TRIM38: variants seen among roughly 807,000 people sequenced by gnomAD.
The protein encoded by TRIM38 is tripartite motif containing 38.
Under a neutral mutation model 35.8 loss-of-function variants are expected in TRIM38, and 35 were observed. That is an observed-to-expected ratio of 0.98 (90% CI 0.75 to 1.30). TRIM38 has a LOEUF of 1.30. Ranked by LOEUF, TRIM38 falls within the 50% of genes most tolerant of loss-of-function variation. The pLI, the probability that TRIM38 is intolerant of heterozygous loss-of-function variation, is 0.00. For missense variants in TRIM38, 545 were observed against 556.9 expected, an observed-to-expected ratio of 0.98 and a Z score of 0.21; for synonymous variants, 198 against 204.7, an observed-to-expected ratio of 0.97 and a Z score of 0.28.
intron 5 of TRIM38, among the ~76,000 whole-genome samples, chr6:25,972,329 GCCTC>G (rs113356618): frequency 2.8e-3 from 432 of 152,268 alleles, no homozygotes; most frequent in African/African-American, 9.8e-3. Flanking sequence ...ACCACTGTTT[GCCTC>G]CTTGGCCCAT....
At chr6:25,975,699 C>T (rs1760371316) in intron 7 of TRIM38, 1 of 978,280 alleles carries the variant, frequency 1.0e-6, no homozygotes, top group Non-Finnish European at 1.2e-6. Context: ...ATATCTTTCC[C>T]TAAGTTTGTA....
intron 2 of TRIM38, among the ~76,000 whole-genome samples, chr6:25,964,781 C>A (rs1434148945): frequency 6.6e-6 from 1 of 151,494 alleles, no homozygotes; most frequent in East Asian, 1.9e-4. Flanking sequence ...AGTGTTACTA[C>A]TAATTACAAA....
At chr6:25,968,364 T>A (rs1403839097) in intron 3 of TRIM38, among the ~76,000 whole-genome samples, 2 of 152,154 alleles carry the variant, frequency 1.3e-5, no homozygotes, top group African/African-American at 4.8e-5. Context: ...ACTTACTAGA[T>A]GGGCAATTTT....
intron 2 of TRIM38, among the ~76,000 whole-genome samples, chr6:25,963,748 G>A (rs1179566053): frequency 2.0e-5 from 3 of 152,080 alleles, no homozygotes; most frequent in African/African-American, 7.2e-5. Flanking sequence ...CGGTTCTTCT[G>A]GTTGTTCTGG....
rs189414244 is a variant in TRIM38, at chr6:25,990,848, C to T, written c.*7161C>T. On this transcript the variant is annotated 3_prime_UTR_variant, in exon 8 of 8. Coordinates refer to ENST00000357085, the MANE Select transcript of TRIM38 (RefSeq NM_006355.5). Reference sequence around the variant, plus strand: ...TTTTATTATTTATTTCACACCAGGCCATCACTGTGATACATTTTTTAAAAC... The same window carrying T: ...TTTTATTATTTATTTCACACCAGGCTATCACTGTGATACATTTTTTAAAAC... The T allele has an allele frequency of 2.6e-4, 40 of 151,868 alleles. No individual in the cohort carries two copies. The highest frequency in any genetic ancestry group is 8.9e-4 in the African/African-American group (37 of 41,430). 9.4% of individuals were successfully genotyped at this position (151,868 alleles called of 1,614,324 possible). A position where few individuals can be genotyped will look rare whatever the true frequency, so the allele number is the denominator to read the frequency against.
intron 7 of TRIM38, among the ~76,000 whole-genome samples, chr6:25,977,310 C>G (rs957571647): frequency 6.6e-6 from 1 of 152,026 alleles, no homozygotes; most frequent in Non-Finnish European, 1.5e-5. Context: ...CCCAGGAGTT[C>G]GAGGCTGCAG....
At chr6:25,980,275 TG>T (rs1760508288) in intron 7 of TRIM38, among the ~76,000 whole-genome samples, 2 of 152,226 alleles carry the variant, frequency 1.3e-5, no homozygotes, top group Admixed American at 1.3e-4. Flanking sequence ...AAACATCCCA[TG>T]ATGATTGTAG....
At chr6:25,967,304 C>A (rs780173938) in intron 3 of TRIM38, among the ~76,000 whole-genome samples, 18 of 152,144 alleles carry the variant, frequency 1.2e-4, no homozygotes, top group Non-Finnish European at 2.4e-4. Flanking sequence ...AAAGACCCAT[C>A]ACCTTTTAGG....
chr6:25,979,549 C>T (rs546062409), intron 7 of TRIM38, among the ~76,000 whole-genome samples: 3 of 151,996 alleles, frequency 2.0e-5, no homozygotes, highest in Non-Finnish European at 4.4e-5. Context: ...TAAAAAGTTT[C>T]TGTATTCATT....
intron 7 of TRIM38, among the ~76,000 whole-genome samples, chr6:25,981,406 T>C (rs1435853580): frequency 1.3e-5 from 2 of 152,252 alleles, no homozygotes; most frequent in African/African-American, 4.8e-5. Context: ...ACAGGAAGTG[T>C]TTCTGAATAC....
At chr6:25,965,157 A>G (rs1182845472) in intron 2 of TRIM38, among the ~76,000 whole-genome samples, 2 of 152,100 alleles carry the variant, frequency 1.3e-5, no homozygotes, top group African/African-American at 4.8e-5. Flanking sequence ...AAAGAGTTTC[A>G]CACTCCCTGA....
intron 2 of TRIM38, among the ~76,000 whole-genome samples, chr6:25,964,876 AT>A (rs1436537378): frequency 2.7e-5 from 4 of 150,900 alleles, no homozygotes; most frequent in African/African-American, 9.8e-5. Flanking sequence ...CAGTGGTGTA[AT>A]CTGGGCTCAC....
rs1760061633 is a variant in TRIM38 at position 25,966,698 on chromosome 6, G to C, written c.176G>C (p.Cys59Ser). Residue 59 changes from cysteine to serine, a missense_variant, in exon 3 of 8, where the codon TGT (cysteine) becomes TCT (serine). Physicochemically the swap from Cys to Ser is moderately radical, Grantham distance 112 (BLOSUM62 -1). Coordinates refer to ENST00000357085, the MANE Select transcript of TRIM38 (RefSeq NM_006355.5). Reference protein sequence around the residue: ...QKQLRQETFCCPQCRAPFHMD... With the variant: ...QKQLRQETFCSPQCRAPFHMD... ...CAACTGAGGCAGGAGACATTCTGCT[G>C]TCCCCAGTGTCGGGCTCCATTTCAT... 6.2e-7 allele frequency: 1 copy of C among 1,614,202 alleles called. No homozygotes were observed. The highest frequency in any genetic ancestry group is 8.5e-7 in the Non-Finnish European group (1 of 1,180,046).
At chr6:25,982,823 C>T (rs559794804) in intron 7 of TRIM38, among the ~76,000 whole-genome samples, 1 of 152,334 alleles carries the variant, frequency 6.6e-6, no homozygotes, top group South Asian at 2.1e-4. Context: ...TGGTGGCTCA[C>T]ACCTGTGTAA....
At chr6:25,977,383 G>C (rs2113608990) in intron 7 of TRIM38, among the ~76,000 whole-genome samples, 1 of 152,198 alleles carries the variant, frequency 6.6e-6, no homozygotes, top group South Asian at 2.1e-4. Flanking sequence ...TCTATTAAAG[G>C]AGGAGGCCGG....
intron 5 of TRIM38, among the ~76,000 whole-genome samples, chr6:25,972,725 G>A (rs894988008): frequency 3.9e-5 from 6 of 152,128 alleles, no homozygotes; most frequent in African/African-American, 1.4e-4. Flanking sequence ...AAGGAAATCC[G>A]ATCACCAAAA....
intron 7 of TRIM38, among the ~76,000 whole-genome samples, chr6:25,974,461 T>A (rs894843277): frequency 1.3e-5 from 2 of 152,212 alleles, no homozygotes; most frequent in African/African-American, 4.8e-5. Flanking sequence ...TATCCCATCA[T>A]CTTTGCCATA....
At chr6:25,973,955 A>G (rs897143792) in intron 7 of TRIM38, 1 of 841,350 alleles carries the variant, frequency 1.2e-6, no homozygotes, top group African/African-American at 1.8e-5. Context: ...AAGTTTTATC[A>G]TGATTCATTT....
Position 25,983,390 on chromosome 6 carries a change from T to C in TRIM38, c.1101T>C (p.Asn367=), listed in dbSNP as rs1258748296. 1 of 1,613,882 alleles carries C rather than the reference T, an allele frequency of 6.2e-7. No individual in the cohort carries two copies. The highest frequency in any genetic ancestry group is 1.3e-5 in the African/African-American group (1 of 74,888). Residue 367 remains asparagine (N), a synonymous_variant, in exon 8 of 8, where the codon AAT becomes AAC. Coordinates refer to ENST00000357085, the MANE Select transcript of TRIM38 (RefSeq NM_006355.5). Reference sequence around the variant, plus strand: ...GGGATTTAGGAGTTTGTATGGAAAATGTGCAGAGGGGCACTGGCATGAAGC... The same window carrying C: ...GGGATTTAGGAGTTTGTATGGAAAACGTGCAGAGGGGCACTGGCATGAAGC... The part of the protein sequence containing the change: ...TGWDLGVCME[N]VQRGTGMKQE...
Sources: gnomAD v4.1 joint callset for allele counts (sites outside exome capture counted in the v4.1 genomes callset) on GRCh38, gnomAD v4.1.1 for gene constraint, MANE v1.5 for transcripts, NCBI Gene and HGNC (gene_info 2026-07-23, HGNC 2026-07-21) for gene names.